Variants in GLDC observed in about 807,000 individuals in gnomAD.
GLDC encodes glycine dehydrogenase (decarboxylating), mitochondrial.
Under a neutral mutation model 121.3 loss-of-function variants are expected in GLDC, and 104 were observed. That is an observed-to-expected ratio of 0.86 (90% CI 0.73 to 1.01). The LOEUF (loss-of-function observed/expected upper bound fraction) is 1.01. GLDC is among the 50% of genes least tolerant of loss of function. The pLI is 0.00. For missense variants in GLDC, 1,429 were observed against 1,306.6 expected, an observed-to-expected ratio of 1.09 and a Z score of -1.44; for synonymous variants, 546 against 480.6, an observed-to-expected ratio of 1.14 and a Z score of -1.78.
At chr9:6,636,070 A>G (rs1819495634) in intron 2 of GLDC, among the ~76,000 whole-genome samples, 1 of 152,060 alleles carries the variant, frequency 6.6e-6, no homozygotes, top group South Asian at 2.1e-4. Context: ...TGGGAGGCCA[A>G]GGTGGGTAGA....
chr9:6,583,715 A>C (rs572005190), intron 15 of GLDC, among the ~76,000 whole-genome samples: 11 of 152,314 alleles, frequency 7.2e-5, no homozygotes, highest in African/African-American at 2.6e-4. Context: ...CACATGCCAC[A>C]ACATTGATGA....
rs1587931701 is a variant in GLDC at position 6,565,490 on chromosome 9, A to G, written c.1851-61T>C. ...TCTTCTGGCTTTCATTTACTCATTC[A>G]ATATTTATTGGGCCCTGGCCAGGGG... On this transcript the variant is annotated intron_variant, in intron 15 of 24. Coordinates refer to ENST00000321612, the MANE Select transcript of GLDC (RefSeq NM_000170.3). 2.3e-6 allele frequency: 3 copies of G among 1,296,780 alleles called. No individual in the cohort carries two copies. The East Asian group carries it at 6.9e-5, about 30-fold the overall frequency. 80.3% of individuals were successfully genotyped at this position (1,296,780 alleles called of 1,614,324 possible).
chr9:6,629,957 A>ATATGTATATATATATATATATATTTTTTT, intron 2 of GLDC, among the ~76,000 whole-genome samples: 14 of 83,102 alleles, frequency 1.7e-4, no homozygotes, highest in Non-Finnish European at 2.8e-4. Flanking sequence ...ATATATATAT[A>ATATGTATATATATATATATATATTTTTTT]TTTTTTTTTT....
At chr9:6,599,731 A>AC (rs1818563109) in intron 8 of GLDC, among the ~76,000 whole-genome samples, 1 of 151,472 alleles carries the variant, frequency 6.6e-6, no homozygotes, top group African/African-American at 2.4e-5. Context: ...AAAAAAAAAA[A>AC]AAACAACCAA....
At chr9:6,582,851 T>C (rs1587942968) in intron 15 of GLDC, among the ~76,000 whole-genome samples, 1 of 151,006 alleles carries the variant, frequency 6.6e-6, no homozygotes, top group Non-Finnish European at 1.5e-5. Flanking sequence ...AAAGAACTGC[T>C]ATAACTCAAC....
At chr9:6,580,835 G>A (rs983169862) in intron 15 of GLDC, among the ~76,000 whole-genome samples, 1 of 152,114 alleles carries the variant, frequency 6.6e-6, no homozygotes, top group African/African-American at 2.4e-5. Flanking sequence ...AAAGGCACTG[G>A]CATCTCTTCT....
At chr9:6,599,828 A>G (rs1214323478) in intron 8 of GLDC, among the ~76,000 whole-genome samples, 1 of 152,178 alleles carries the variant, frequency 6.6e-6, no homozygotes, top group Admixed American at 6.5e-5. Context: ...TCATACTGGA[A>G]GAGCTCATAT....
At chr9:6,587,415 T>C in intron 14 of GLDC, 132 bp from the exon 15 acceptor site, 1 of 702,020 alleles carries the variant, frequency 1.4e-6, no homozygotes, top group Non-Finnish European at 2.5e-6. Flanking sequence ...CATATGTTAA[T>C]TTATTTAAGT....
intron 2 of GLDC, among the ~76,000 whole-genome samples, chr9:6,625,017 C>G (rs1819202276): frequency 6.6e-6 from 1 of 151,902 alleles, no homozygotes; most frequent in Non-Finnish European, 1.5e-5. Context: ...CAGGTGAACT[C>G]CAGCACTTTG....
chr9:6,588,350 C>A, intron 14 of GLDC, 51 bp downstream of exon 14: 1 of 1,300,838 alleles, frequency 7.7e-7, no homozygotes, highest in Non-Finnish European at 1.1e-6. Context: ...TAGGTGGAAG[C>A]TAGAACACTG....
At chr9:6,562,184 G>C (rs984682858) in intron 16 of GLDC, among the ~76,000 whole-genome samples, 6 of 152,198 alleles carry the variant, frequency 3.9e-5, no homozygotes, top group African/African-American at 1.4e-4. Flanking sequence ...CTGGTACATG[G>C]TAATTGCCAT....
chr9:6,533,671 C>T (rs980984531), intron 24 of GLDC, among the ~76,000 whole-genome samples: 1 of 151,558 alleles, frequency 6.6e-6, no homozygotes, highest in African/African-American at 2.4e-5. Flanking sequence ...CCAGCCTGAT[C>T]GACATGGAGA....
chr9:6,565,020 G>C (rs1817827373), intron 16 of GLDC, among the ~76,000 whole-genome samples: 1 of 152,198 alleles, frequency 6.6e-6, no homozygotes, highest in South Asian at 2.1e-4. Context: ...CCCAGGGCCG[G>C]GGCTGAGCCA....
At chr9:6,542,859 C>T (rs952626279) in intron 21 of GLDC, among the ~76,000 whole-genome samples, 1 of 140,156 alleles carries the variant, frequency 7.1e-6, no homozygotes, top group Non-Finnish European at 1.5e-5. Context: ...GCATTCCAGC[C>T]TGGGTGACGG....
chr9:6,586,010 T>C (rs944364868), intron 15 of GLDC, among the ~76,000 whole-genome samples: 4 of 152,038 alleles, frequency 2.6e-5, no homozygotes, highest in African/African-American at 9.7e-5. Flanking sequence ...AAATAAAGAT[T>C]CTAGGCCAGG....
At chr9:6,618,086 T>C (rs1819001884) in intron 3 of GLDC, among the ~76,000 whole-genome samples, 1 of 152,192 alleles carries the variant, frequency 6.6e-6, no homozygotes, top group African/African-American at 2.4e-5. Flanking sequence ...AAAAATCACC[T>C]AGGAATTATC....
chr9:6,604,179 C>G (rs1236899859), intron 7 of GLDC, among the ~76,000 whole-genome samples: 5 of 152,090 alleles, frequency 3.3e-5, no homozygotes, highest in Admixed American at 2.6e-4. Context: ...TGGCGGAAGC[C>G]TCTAGGAAGG....
intron 20 of GLDC, among the ~76,000 whole-genome samples, chr9:6,552,438 C>A (rs1290795466): frequency 6.6e-6 from 1 of 152,162 alleles, no homozygotes; most frequent in Non-Finnish European, 1.5e-5. Flanking sequence ...ATTCTGATTG[C>A]TTGTGTTGTT....
chr9:6,640,728 A>G (rs1384799961), intron 2 of GLDC, among the ~76,000 whole-genome samples: 3 of 152,266 alleles, frequency 2.0e-5, no homozygotes, highest in Admixed American at 2.0e-4. Flanking sequence ...AGTTCAGTCT[A>G]GTTGCCTTGA....
Sources: allele counts gnomAD v4.1 joint callset (sites outside exome capture counted in the v4.1 genomes callset), GRCh38; gene constraint gnomAD v4.1.1; transcripts MANE v1.5; gene names NCBI Gene and HGNC (gene_info 2026-07-23, HGNC 2026-07-21).